PDZD8: variants seen among roughly 807,000 people sequenced by gnomAD.
The protein encoded by PDZD8 is PDZ domain-containing protein 8.
In PDZD8, 14 loss-of-function variants were observed where a neutral mutation model predicts 85.8. That is an observed-to-expected ratio of 0.16 (90% CI 0.11 to 0.26). The LOEUF (loss-of-function observed/expected upper bound fraction) is 0.26. PDZD8 is among the 10% of genes least tolerant of loss of function. The probability of loss-of-function intolerance (pLI) is 1.00; values close to 1 mark genes in which losing one functional copy is unlikely to be tolerated. For synonymous variants in PDZD8, 592 were observed against 568.6 expected (o/e 1.04, Z -0.59); for missense variants, 1,197 against 1,424.3 (o/e 0.84, Z 2.57).
chr10:117,362,142 C>A (rs1377808392), intron 1 of PDZD8, among the ~76,000 whole-genome samples: 3 of 152,106 alleles, frequency 2.0e-5, no homozygotes, highest in African/African-American at 7.2e-5. Flanking sequence ...TTAATACTAT[C>A]TGTATCTCTG....
chr10:117,347,870 A>G (rs1488511466), intron 1 of PDZD8, among the ~76,000 whole-genome samples: 3 of 152,212 alleles, frequency 2.0e-5, no homozygotes, highest in African/African-American at 7.2e-5. Context: ...ATATGACTCC[A>G]TTCATATGAA....
intron 1 of PDZD8, among the ~76,000 whole-genome samples, chr10:117,357,883 G>A (rs1451795402): frequency 7.1e-6 from 1 of 141,808 alleles, no homozygotes; most frequent in African/African-American, 2.5e-5. Context: ...AGGTATTACT[G>A]TTAAAATTTA....
intron 3 of PDZD8, among the ~76,000 whole-genome samples, chr10:117,311,981 G>A (rs971048740): frequency 6.6e-6 from 1 of 151,946 alleles, no homozygotes; most frequent in Non-Finnish European, 1.5e-5. Context: ...GCAGAGGGGG[G>A]AAGAGGAAGA....
At chr10:117,311,750 G>C (rs968781297) in intron 3 of PDZD8, among the ~76,000 whole-genome samples, 12 of 151,954 alleles carry the variant, frequency 7.9e-5, no homozygotes, top group African/African-American at 2.7e-4. Context: ...GAAGAACTGA[G>C]TACCAAACAG....
chr10:117,373,604 C>CAAAAAAAAAAAAAAAA (rs796930758), intron 1 of PDZD8, among the ~76,000 whole-genome samples: 9 of 52,430 alleles, frequency 1.7e-4, no homozygotes, highest in African/African-American at 4.7e-4. Flanking sequence ...CTAAAAAATA[C>CAAAAAAAAAAAAAAAA]AAAAAAAAAA....
chr10:117,312,340 A>G (rs1844053533), intron 3 of PDZD8, among the ~76,000 whole-genome samples: 1 of 152,152 alleles, frequency 6.6e-6, no homozygotes, highest in Admixed American at 6.5e-5. Flanking sequence ...CAGGCCTGCG[A>G]GGGCTGGAAT....
intron 1 of PDZD8, among the ~76,000 whole-genome samples, chr10:117,372,084 A>G (rs1456112315): frequency 6.6e-6 from 1 of 152,238 alleles, no homozygotes; most frequent in Non-Finnish European, 1.5e-5. Flanking sequence ...AGCATATAGC[A>G]GGTGTACAAT....
chr10:117,305,459 TATACACACACATAC>T (rs1338478777), intron 3 of PDZD8, among the ~76,000 whole-genome samples: 235 of 100,176 alleles, frequency 2.3e-3, no homozygotes, highest in African/African-American at 9.2e-3. Flanking sequence ...CACACACATA[TATACACACACATAC>T]ACACACACAC....
intron 3 of PDZD8, among the ~76,000 whole-genome samples, chr10:117,301,928 A>C (rs1843854906): frequency 6.6e-6 from 1 of 152,130 alleles, no homozygotes; most frequent in Admixed American, 6.5e-5. Flanking sequence ...AGGTAACTCA[A>C]GTAACATGTG....
At chr10:117,297,224 T>C (rs1160772403) in intron 3 of PDZD8, among the ~76,000 whole-genome samples, 1 of 152,106 alleles carries the variant, frequency 6.6e-6, no homozygotes, top group Non-Finnish European at 1.5e-5. Flanking sequence ...AGATACTACA[T>C]ACCTACTAGA....
In PDZD8 at chr10:117,357,674, G is replaced by A. The variant is rs139676057; in HGVS notation, c.873-16572C>T. Among the ~76,000 whole-genome samples, 28 of 149,846 alleles carry A rather than the reference G, an allele frequency of 1.9e-4. 1 individual carries two copies. In the East Asian group the frequency reaches 2.0e-3, roughly 11 times the overall value. On this transcript the variant is annotated intron_variant, in intron 1 of 4. Transcript: ENST00000334464. ...CCAGCTACTCGGGAGGCTGAGGCAG[G>A]AGAATCACTTGAACCCAGAAGGCAG...
intron 3 of PDZD8, among the ~76,000 whole-genome samples, chr10:117,315,587 C>CT (rs1844110761): frequency 2.4e-5 from 1 of 42,108 alleles, no homozygotes; most frequent in Non-Finnish European, 5.1e-5. Flanking sequence ...TAGACTCTCT[C>CT]AAAAAAAAAA....
rs765563322 is a variant in PDZD8 at position 117,374,655 on chromosome 10, G to A, written c.573C>T (p.Ala191=). The A allele has an allele frequency of 3.2e-6, 5 of 1,586,202 alleles. No homozygotes were observed. In the South Asian group the frequency reaches 5.7e-5, roughly 18 times the overall value. ...ALPAACPEEL[A]FEAEVEYNGG... is the part of the protein sequence containing the mutation. ...CGTTGTACTCCACCTCCGCCTCGAA[G>A]GCCAGCTCCTCGGGGCAGGCGGCGG... The change falls in exon 1 of 5, where the codon GCC becomes GCT. Residue 191 remains alanine, a synonymous_variant. Coordinates refer to ENST00000334464, the MANE Select transcript of PDZD8 (RefSeq NM_173791.5). The surrounding 1 kb of genome is among the most constrained non-coding windows in gnomAD (Gnocchi z 7.8).
chr10:117,283,741 C>T lies in PDZD8; in HGVS notation c.2992G>A (p.Gly998Arg). Residue 998 changes from glycine to arginine, a missense_variant, in exon 5 of 5, where the codon GGA becomes AGA. Around this residue, in one of 4 missense-constraint regions of PDZD8, gnomAD observed 418 missense variants for 571.1 expected, o/e 0.73. Transcript: ENST00000334464. ...NSPSKRGNST[G>R]IKLVRKEGGL... ...CCCTCTTTTCTCACTAACTTTATTC[C>T]TGTGCTGTTTCCCCGTTTAGAAGGA... 1 of 1,614,172 alleles carries T rather than the reference C, an allele frequency of 6.2e-7. No individual in the cohort carries two copies. Among genetic ancestry groups the T allele is most frequent in the Non-Finnish European group, 8.5e-7 (1 of 1,180,028 alleles).
chr10:117,303,313 G>A (rs1843879089), intron 3 of PDZD8, among the ~76,000 whole-genome samples: 1 of 152,182 alleles, frequency 6.6e-6, no homozygotes, highest in Admixed American at 6.5e-5. Flanking sequence ...CCCTGCCCTA[G>A]AGATTTGTGG....
chr10:117,316,931 T>C (rs1056405647), intron 3 of PDZD8, among the ~76,000 whole-genome samples: 3 of 152,166 alleles, frequency 2.0e-5, no homozygotes, highest in African/African-American at 7.2e-5. Flanking sequence ...AAAAAGGACA[T>C]GGCTGACATG....
chr10:117,363,586 A>C (rs11197968), intron 1 of PDZD8, among the ~76,000 whole-genome samples: 35,095 of 152,014 alleles, frequency 0.23, 4,711 homozygotes, highest in East Asian at 0.44. Context: ...TTAACTGGTA[A>C]CTTATCAATG....
At chr10:117,345,233 G>A (rs2133853575) in intron 1 of PDZD8, among the ~76,000 whole-genome samples, 1 of 152,306 alleles carries the variant, frequency 6.6e-6, no homozygotes, top group African/African-American at 2.4e-5. Flanking sequence ...AACAATGGAG[G>A]TTGTGGTGAA....
rs138837693 is a variant in PDZD8, at chr10:117,284,486, C to T, written c.2247G>A (p.Thr749=). Residue 749 remains threonine (T), a synonymous_variant, in exon 5 of 5, where the codon ACG becomes ACA. Coordinates refer to ENST00000334464, the MANE Select transcript of PDZD8 (RefSeq NM_173791.5). ...CCAGTCTCAATTTGGAAAGGTATTC[C>T]GTGTTTGATGTAGCTAGGCATCCTA... The part of the protein sequence containing the change: ...VALGCLATSN[T]EYLSKLRLEA... The T allele has an allele frequency of 2.4e-5, 38 of 1,613,968 alleles. No individual in the cohort carries two copies. The highest frequency in any genetic ancestry group is 6.7e-5 in the African/African-American group (5 of 74,890).
Sources: gnomAD v4.1 joint callset for allele counts (sites outside exome capture counted in the v4.1 genomes callset) on GRCh38, gnomAD v4.1.1 for gene constraint, gnomAD v4.1.1 regional missense constraint, Gnocchi (gnomAD v3.1) non-coding constraint, MANE v1.5 for transcripts, NCBI Gene and HGNC (gene_info 2026-07-23, HGNC 2026-07-21) for gene names.